The following RBM5 variants were observed in gnomAD, a reference collection of about 807,000 sequenced individuals.
RBM5 encodes RNA-binding protein 5.
Under a neutral mutation model 124.6 loss-of-function variants are expected in RBM5, and 15 were observed. That is an observed-to-expected ratio of 0.12 (90% confidence interval 0.08 to 0.19). The LOEUF (loss-of-function observed/expected upper bound fraction) is 0.19, where lower values mean the gene tolerates loss of function less well. RBM5 is among the 10% of genes least tolerant of loss of function. The pLI, the probability that RBM5 is intolerant of heterozygous loss-of-function variation, is 1.00. For synonymous variants in RBM5, 337 were observed against 361.2 expected, an observed-to-expected ratio of 0.93 and a Z score of 0.76; for missense variants, 580 against 1,026.5, an observed-to-expected ratio of 0.57 and a Z score of 5.94.
At chr3:50,103,198 C>T in intron 7 of RBM5, 32 bp downstream of exon 7, 1 of 1,511,522 alleles carries the variant, frequency 6.6e-7, no homozygotes, top group Non-Finnish European at 9.2e-7. Flanking sequence ...ATAGACAAAA[C>T]TCCTTTAGGA....
chr3:50,115,721 A>C, intron 21 of RBM5, 114 bp downstream of exon 21: 1 of 1,335,426 alleles, frequency 7.5e-7, no homozygotes, highest in Non-Finnish European at 1.0e-6. Context: ...ATGGCCTTAC[A>C]GAAAGCTGTT....
intron 21 of RBM5, 91 bp from the exon 22 acceptor site, chr3:50,115,815 C>A: frequency 7.5e-7 from 1 of 1,326,872 alleles, no homozygotes; most frequent in Non-Finnish European, 1.1e-6. Flanking sequence ...TGGGCTTTGG[C>A]TCTTAAAGTA....
Position 50,100,938 on chromosome 3 carries a change from A to T in RBM5, c.483+333A>T, listed in dbSNP as rs1169427319. The T allele has an allele frequency of 1.5e-5, 3 of 202,438 alleles. No individual in the cohort carries two copies. Among genetic ancestry groups the T allele is most frequent in the African/African-American group, 2.3e-5 (1 of 43,388 alleles). The allele number at this position is 202,438 out of a possible 1,614,324, so 12.5% of individuals were successfully genotyped here. On this transcript the variant is annotated intron_variant, in intron 6 of 24. Transcript: ENST00000347869. This position sits in a 1 kb window ranked among gnomAD's most constrained non-coding sequence, Gnocchi z 5.1. ...ATTGAGAGTAAGCTTAGTATATCAA[A>T]CTCTCCATTTGACAGTGAAGAGAAC...
chr3:50,104,387 C>T, intron 8 of RBM5, 79 bp downstream of exon 8: 1 of 1,403,500 alleles, frequency 7.1e-7, no homozygotes, highest in South Asian at 1.2e-5. Flanking sequence ...ACTGTAATCC[C>T]ACCACTTTGC....
chr3:50,092,494 G>A (rs2090721433), intron 3 of RBM5, among the ~76,000 whole-genome samples: 1 of 151,480 alleles, frequency 6.6e-6, no homozygotes, highest in East Asian at 1.9e-4. Context: ...CCTGGGAGGC[G>A]GAGGTTGCAG....
chr3:50,117,429 C>G lies in RBM5; in HGVS notation c.2322+50C>G. ...TGTTTGCCAGGCTTACAGGCCGGTTCCAGAGATGAGATCAGAGCACTCATA... is the reference window on the plus strand; with the variant it reads ...TGTTTGCCAGGCTTACAGGCCGGTTGCAGAGATGAGATCAGAGCACTCATA... On this transcript the variant is annotated intron_variant, in intron 24 of 24. Transcript: ENST00000347869. This position sits in a 1 kb window ranked among gnomAD's most constrained non-coding sequence, Gnocchi z 4.2. 1.2e-6 allele frequency: 2 copies of G among 1,607,624 alleles called. No individual in the cohort carries two copies. Among genetic ancestry groups the G allele is most frequent in the East Asian group, 2.2e-5 (1 of 44,786 alleles).
At chr3:50,107,422 G>C in intron 11 of RBM5, 60 bp from the exon 12 acceptor site, 1 of 1,324,284 alleles carries the variant, frequency 7.6e-7, no homozygotes, top group South Asian at 1.2e-5. Context: ...TGGTGGTATA[G>C]GGGCACTAAT....
rs191341653 is a variant in RBM5 at position 50,091,286 on chromosome 3, A to G, written c.18-757A>G. ...CTTTGATTCTTTTTATTAAATTTGT[A>G]TATTCTAAATGAAGCCCTTATAAAC... On this transcript the variant is annotated intron_variant, in intron 2 of 24. Coordinates refer to ENST00000347869, the MANE Select transcript of RBM5 (RefSeq NM_005778.4). 1.8e-3 allele frequency among the ~76,000 whole-genome samples: 276 copies of G among 152,320 alleles called. 1 individual carries two copies. The highest frequency in any genetic ancestry group is 6.4e-3 in the African/African-American group (264 of 41,574).
At position 50,092,083 on chromosome 3, in the gene RBM5, A is replaced by G; in HGVS notation, c.58A>G (p.Ile20Val). 3 of 1,614,138 alleles carry G rather than the reference A, an allele frequency of 1.9e-6. No homozygotes were observed. The highest frequency in any genetic ancestry group is 2.5e-6 in the Non-Finnish European group (3 of 1,180,006). The part of the protein sequence containing the change: ...TERSGRYGSI[I>V]DRDDRDERES... ...GCGTAGTGGAAGATACGGTTCCATCATAGACAGGGATGACCGTGATGAGCG... is the reference window on the plus strand; with the variant it reads ...GCGTAGTGGAAGATACGGTTCCATCGTAGACAGGGATGACCGTGATGAGCG... Residue 20 changes from isoleucine (I) to valine (V), a missense_variant, in exon 3 of 25, where the codon ATA (isoleucine) becomes GTA (valine). Ile to Val is a conservative substitution (Grantham distance 29). Coordinates refer to ENST00000347869, the MANE Select transcript of RBM5 (RefSeq NM_005778.4).
intron 8 of RBM5, chr3:50,104,710 T>A: frequency 3.7e-6 from 1 of 270,970 alleles, no homozygotes; most frequent in South Asian, 9.1e-5. Flanking sequence ...AAGTATAGAT[T>A]TTAGTGTACT....
At chr3:50,091,194 G>C (rs903828922) in intron 2 of RBM5, among the ~76,000 whole-genome samples, 1 of 152,212 alleles carries the variant, frequency 6.6e-6, no homozygotes, top group Non-Finnish European at 1.5e-5. Context: ...TGTGTCAGCA[G>C]TCTGTGGTTC....
At chr3:50,106,165 C>T (rs1487568895) in intron 10 of RBM5, among the ~76,000 whole-genome samples, 3 of 97,098 alleles carry the variant, frequency 3.1e-5, no homozygotes, top group Non-Finnish European at 5.5e-5. Context: ...GAGGGAGTCT[C>T]GTTCTGTCGC....
chr3:50,117,415 C>G lies in RBM5; in HGVS notation c.2322+36C>G. 1 of 1,610,218 alleles carries G rather than the reference C, an allele frequency of 6.2e-7. No individual in the cohort carries two copies. On this transcript the variant is annotated intron_variant, in intron 24 of 24. Coordinates refer to ENST00000347869, the MANE Select transcript of RBM5 (RefSeq NM_005778.4). The surrounding 1 kb of genome is among the most constrained non-coding windows in gnomAD (Gnocchi z 4.2). ...GGGTCAGGTCTTGATGTTTGCCAGG[C>G]TTACAGGCCGGTTCCAGAGATGAGA...
Position 50,090,420 on chromosome 3 carries a change from A to G in RBM5, c.-15A>G, listed in dbSNP as rs1161864435. 2.5e-6 allele frequency: 4 copies of G among 1,613,844 alleles called. No homozygotes were observed. The highest frequency in any genetic ancestry group is 2.5e-6 in the Non-Finnish European group (3 of 1,179,932). ...TGAACCTTTTGGAGCTGTGTGCTAA[A>G]TCTTCAGTGGGACAATGGGTTCAGA... On this transcript the variant is annotated 5_prime_UTR_variant, in exon 2 of 25. Transcript: ENST00000347869.
chr3:50,114,862 T>TAA (rs1203898581), intron 20 of RBM5: 11 of 132,098 alleles, frequency 8.3e-5, no homozygotes, highest in South Asian at 2.4e-4. Flanking sequence ...CTGTCTCATT[T>TAA]AAAAAAAAAA....
rs1575339395 is a variant in RBM5 at position 50,115,934 on chromosome 3, G to A, written c.2048G>A (p.Arg683Lys). ...KQNMDIYRRS[R>K]LSEQELEALE... is the part of the protein sequence containing the mutation. ...AACATGGACATCTATCGACGATCCAGGCTGAGCGAGCAGGAGCTGGAAGCC... is the reference window on the plus strand; with the variant it reads ...AACATGGACATCTATCGACGATCCAAGCTGAGCGAGCAGGAGCTGGAAGCC... Residue 683 changes from arginine (R) to lysine (K), a missense_variant, in exon 22 of 25, where the codon AGG becomes AAG. Physicochemically the swap from Arg to Lys is conservative, Grantham distance 26. Around this residue, in one of 6 missense-constraint regions of RBM5, gnomAD observed 234 missense variants for 435.1 expected, o/e 0.54. Coordinates refer to ENST00000347869, the MANE Select transcript of RBM5 (RefSeq NM_005778.4). 5.0e-6 allele frequency: 8 copies of A among 1,613,914 alleles called. No homozygotes were observed. Among genetic ancestry groups the A allele is most frequent in the Non-Finnish European group, 6.8e-6 (8 of 1,179,888 alleles).
In RBM5 at chr3:50,106,823, T is replaced by C. The variant is rs771743088; in HGVS notation, c.912T>C (p.Asp304=). 9.3e-6 allele frequency: 15 copies of C among 1,613,328 alleles called. No homozygotes were observed. The highest frequency in any genetic ancestry group is 1.3e-5 in the African/African-American group (1 of 75,030). The change falls in exon 11 of 25, where the codon GAT becomes GAC. Residue 304 remains aspartate, a synonymous_variant. Transcript: ENST00000347869. The part of the protein sequence containing the change: ...LQSLHPPLKI[D]GKTIGVDFAK... ...GTCTCCATCCTCCTTTGAAAATTGA[T>C]GGCAAAACTATTGGGGTTGATTTTG...
At chr3:50,116,081 G>A (rs2091247100) in intron 22 of RBM5, 101 bp downstream of exon 22, 8 of 1,127,192 alleles carry the variant, frequency 7.1e-6, no homozygotes, top group African/African-American at 1.5e-5. Context: ...AGGGTAGGAG[G>A]ATTTGTCATA....
chr3:50,104,187 T>G, intron 7 of RBM5, 61 bp from the exon 8 acceptor site: 1 of 1,453,974 alleles, frequency 6.9e-7, no homozygotes, highest in South Asian at 1.2e-5. Flanking sequence ...CCCACTGTTA[T>G]TGTTACTAGA....
Sources: allele counts gnomAD v4.1 joint callset (sites outside exome capture counted in the v4.1 genomes callset), GRCh38; gene constraint gnomAD v4.1.1; regional missense constraint gnomAD v4.1.1; non-coding constraint Gnocchi (gnomAD v3.1); transcripts MANE v1.5; gene names NCBI Gene and HGNC (gene_info 2026-07-23, HGNC 2026-07-21).